The following SOHLH2 variants were observed in gnomAD, a reference collection of about 807,000 sequenced individuals.
SOHLH2 encodes the protein spermatogenesis and oogenesis specific basic helix-loop-helix 2, also known as spermatogenesis- and oogenesis-specific basic helix-loop-helix-containing protein 2.
Under a neutral mutation model 50.4 loss-of-function variants are expected in SOHLH2, and 22 were observed. The ratio of observed to expected loss-of-function variants is 0.44; its 90% confidence interval spans 0.31 to 0.62. The LOEUF is 0.62. Ranked by LOEUF, SOHLH2 falls within the 20% of genes least tolerant of loss-of-function variation. SOHLH2 has a pLI of 0.08. For synonymous variants in SOHLH2, 185 were observed against 187.3 expected (o/e 0.99, Z 0.10); for missense variants, 412 against 504.4 (o/e 0.82, Z 1.76).
chr13:36,172,031 G>A (rs1429697061), intron 9 of SOHLH2, among the ~76,000 whole-genome samples: 1 of 152,150 alleles, frequency 6.6e-6, no homozygotes, highest in Non-Finnish European at 1.5e-5. Flanking sequence ...ACGCAAAAAT[G>A]TATTTACATC....
At chr13:36,178,759 G>A (rs1887160544) in intron 6 of SOHLH2, among the ~76,000 whole-genome samples, 2 of 150,456 alleles carry the variant, frequency 1.3e-5, no homozygotes, top group South Asian at 4.2e-4. Flanking sequence ...TATAATTCAT[G>A]ATTTAGTTTT....
At position 36,193,876 on chromosome 13, in the gene SOHLH2, G is replaced by A. The variant is rs1255085060; in HGVS notation, c.264-9C>T. 1 of 1,587,512 alleles carries A rather than the reference G, an allele frequency of 6.3e-7. No individual in the cohort carries two copies. The highest frequency in any genetic ancestry group is 8.5e-7 in the Non-Finnish European group (1 of 1,172,924). On this transcript the variant is annotated splice_polypyrimidine_tract_variant and intron_variant, in intron 2 of 10. Transcript: ENST00000379881. ...TTTTCTTTTTGCCAAATCTGAGAGA[G>A]GAAAGAAAATGTTAAAATGAAGCAA...
chr13:36,191,766 G>A (rs1887580511), intron 5 of SOHLH2, 29 bp downstream of exon 5: 1 of 1,611,252 alleles, frequency 6.2e-7, no homozygotes, highest in African/African-American at 1.3e-5. Flanking sequence ...TAAAAATATT[G>A]CTATTATGAA....
chr13:36,213,072 G>A (rs1869217189), intron 1 of SOHLH2, among the ~76,000 whole-genome samples: 1 of 152,086 alleles, frequency 6.6e-6, no homozygotes, highest in Admixed American at 6.6e-5. Flanking sequence ...GGCTCTCATG[G>A]GGCAATTGCG....
Position 36,170,772 on chromosome 13 carries a change from G to T in SOHLH2, c.1016C>A (p.Ala339Asp). ...TGGATCACCAATAGCATTCTCTGAGGCGGAGCTTGATGGAACTTTAATGAG... is the reference window on the plus strand; with the variant it reads ...TGGATCACCAATAGCATTCTCTGAGTCGGAGCTTGATGGAACTTTAATGAG... Reference protein sequence around the residue: ...DEAVRVPSSSASENAIGDPYK... With the variant: ...DEAVRVPSSSDSENAIGDPYK... Residue 339 changes from alanine (A) to aspartate (D), a missense_variant, in exon 10 of 11, where the codon GCC becomes GAC. Transcript: ENST00000379881. The T allele has an allele frequency of 1.9e-6, 3 of 1,613,386 alleles. No individual in the cohort carries two copies. The highest frequency in any genetic ancestry group is 2.5e-6 in the Non-Finnish European group (3 of 1,179,372).
intron 6 of SOHLH2, among the ~76,000 whole-genome samples, chr13:36,188,238 G>C (rs1013112378): frequency 6.6e-6 from 1 of 152,152 alleles, no homozygotes; most frequent in African/African-American, 2.4e-5. Context: ...AGCCCTGCTC[G>C]AACTGCTAAC....
intron 6 of SOHLH2, 36 bp from the exon 7 acceptor site, chr13:36,174,905 G>A (rs1566035596): frequency 6.5e-7 from 1 of 1,536,556 alleles, no homozygotes. Flanking sequence ...AGAATAATTA[G>A]TCTCATTGTC....
intron 9 of SOHLH2, among the ~76,000 whole-genome samples, chr13:36,173,421 C>T (rs929982216): frequency 6.6e-6 from 1 of 152,188 alleles, no homozygotes; most frequent in African/African-American, 2.4e-5. Context: ...CCCTGAGATT[C>T]TATTCATATT....
At chr13:36,196,014 T>C (rs1330582752) in intron 2 of SOHLH2, among the ~76,000 whole-genome samples, 2 of 151,928 alleles carry the variant, frequency 1.3e-5, no homozygotes, top group Non-Finnish European at 2.9e-5. Flanking sequence ...ACAGAGGGAA[T>C]AGGGGGATCA....
chr13:36,192,453 C>T (rs1887603339), intron 4 of SOHLH2, among the ~76,000 whole-genome samples: 1 of 152,044 alleles, frequency 6.6e-6, no homozygotes, highest in South Asian at 2.1e-4. Flanking sequence ...TTAGCCATTT[C>T]CAGGAAGAAC....
chr13:36,213,780 G>C (rs912574400), intron 1 of SOHLH2, among the ~76,000 whole-genome samples: 1 of 152,244 alleles, frequency 6.6e-6, no homozygotes, highest in African/African-American at 2.4e-5. Flanking sequence ...TGCCTGTTTG[G>C]GGGGAAGCTC....
chr13:36,191,810 G>A lies in SOHLH2; in HGVS notation c.515C>T (p.Thr172Ile). 1 of 1,613,864 alleles carries A rather than the reference G, an allele frequency of 6.2e-7. No individual in the cohort carries two copies. The highest frequency in any genetic ancestry group is 1.1e-5 in the South Asian group (1 of 91,076). The change falls in exon 5 of 11, where the codon ACT (threonine) becomes ATT (isoleucine). Residue 172 changes from threonine (T) to isoleucine (I), a missense_variant. Transcript: ENST00000379881. ...SYSEHLGYFP[T>I]DLFACSESLR... is the part of the protein sequence containing the mutation. The stretch of plus-strand genomic sequence containing the variant: ...AAAAACTAACCAGGCAAATAGATCA[G>A]TAGGAAAATATCCCAGGTGTTCGCT...
chr13:36,212,818 C>T (rs1869204670), intron 1 of SOHLH2, among the ~76,000 whole-genome samples: 1 of 152,204 alleles, frequency 6.6e-6, no homozygotes, highest in Non-Finnish European at 1.5e-5. Context: ...TCATTGTCAC[C>T]AAGACACTTC....
At chr13:36,186,353 T>G (rs1186938179) in intron 6 of SOHLH2, among the ~76,000 whole-genome samples, 3 of 152,136 alleles carry the variant, frequency 2.0e-5, no homozygotes, top group African/African-American at 7.2e-5. Context: ...AGACTTAACA[T>G]TTTCCCTCTA....
chr13:36,186,301 C>G (rs1242752820), intron 6 of SOHLH2, among the ~76,000 whole-genome samples: 1 of 152,004 alleles, frequency 6.6e-6, no homozygotes, highest in African/African-American at 2.4e-5. Context: ...GATAAAAAAG[C>G]ATGCACAAAA....
chr13:36,210,944 T>C (rs553729237), intron 1 of SOHLH2, among the ~76,000 whole-genome samples: 4 of 152,310 alleles, frequency 2.6e-5, no homozygotes, highest in African/African-American at 9.6e-5. Flanking sequence ...CATGGGACTC[T>C]AAGCCTTTGT....
chr13:36,179,490 C>A (rs1887188486), intron 6 of SOHLH2, among the ~76,000 whole-genome samples: 1 of 152,186 alleles, frequency 6.6e-6, no homozygotes, highest in Non-Finnish European at 1.5e-5. Flanking sequence ...CTCACTGCAA[C>A]CTCTGCCTAC....
intron 1 of SOHLH2, among the ~76,000 whole-genome samples, chr13:36,210,575 A>G (rs946324807): frequency 5.9e-5 from 9 of 151,956 alleles, no homozygotes; most frequent in Non-Finnish European, 1.3e-4. Flanking sequence ...TTTCCATGAT[A>G]TTTACTTGAA....
At chr13:36,203,064 A>G (rs1868521346) in intron 1 of SOHLH2, among the ~76,000 whole-genome samples, 1 of 152,134 alleles carries the variant, frequency 6.6e-6, no homozygotes, top group Non-Finnish European at 1.5e-5. Flanking sequence ...CTGCTCACCT[A>G]ATTTTCTTCC....
Sources: gnomAD v4.1 joint callset for allele counts (sites outside exome capture counted in the v4.1 genomes callset) on GRCh38, gnomAD v4.1.1 for gene constraint, MANE v1.5 for transcripts, NCBI Gene and HGNC (gene_info 2026-07-23, HGNC 2026-07-21) for gene names.